C3orf70: variants seen among roughly 807,000 people sequenced by gnomAD.
C3orf70 encodes the protein UPF0524 protein C3orf70.
C3orf70 carries 15 observed loss-of-function variants against 20.7 expected under a neutral mutation model. That is an observed-to-expected ratio of 0.72 (90% CI 0.48 to 1.11). The LOEUF is 1.11. C3orf70 is among the 50% of genes most tolerant of loss of function. The probability of loss-of-function intolerance (pLI) is 0.00; values close to 1 mark genes in which losing one functional copy is unlikely to be tolerated. For synonymous variants in C3orf70, 161 were observed against 125.7 expected (o/e 1.28, Z -1.88); for missense variants, 332 against 317.6 (o/e 1.05, Z -0.34).
At chr3:185,132,789 A>G (rs942869433) in intron 1 of C3orf70, among the ~76,000 whole-genome samples, 1 of 152,242 alleles carries the variant, frequency 6.6e-6, no homozygotes, top group East Asian at 1.9e-4. Context: ...AATTCTAAAC[A>G]GGATACATCA....
rs537473554 is a variant in C3orf70 at position 185,131,061 on chromosome 3, T to C, written c.196+21567A>G. 2.0e-5 allele frequency among the ~76,000 whole-genome samples: 3 copies of C among 152,338 alleles called. No individual in the cohort carries two copies. The South Asian group carries it at 6.2e-4, about 32-fold the overall frequency. On this transcript the variant is annotated intron_variant, in intron 1 of 1. Coordinates refer to ENST00000335012, the MANE Select transcript of C3orf70 (RefSeq NM_001025266.3). Reference sequence around the variant, plus strand: ...ACTGTTTTCCAACGTGGTTACACCATTTTATATTCCCACCAACAATGCATG... The same window carrying C: ...ACTGTTTTCCAACGTGGTTACACCACTTTATATTCCCACCAACAATGCATG...
intron 1 of C3orf70, among the ~76,000 whole-genome samples, 156 bp downstream of exon 1, chr3:185,152,472 G>A (rs1339456465): frequency 3.3e-5 from 5 of 152,092 alleles, no homozygotes; most frequent in South Asian, 4.1e-4. Context: ...GGAAAGCTCC[G>A]GCGGGCCCGG....
chr3:185,095,479 C>T (rs925025534), intron 1 of C3orf70, among the ~76,000 whole-genome samples: 2 of 152,148 alleles, frequency 1.3e-5, no homozygotes, highest in Admixed American at 6.5e-5. Context: ...CAGTAAAAGA[C>T]ATCTGTCACA....
chr3:185,108,015 A>G (rs906483137), intron 1 of C3orf70, among the ~76,000 whole-genome samples: 1 of 152,214 alleles, frequency 6.6e-6, no homozygotes, highest in Non-Finnish European at 1.5e-5. Context: ...AGATTGTTAA[A>G]TTACATAGAT....
chr3:185,116,734 G>C (rs1000477758), intron 1 of C3orf70, among the ~76,000 whole-genome samples: 1 of 151,936 alleles, frequency 6.6e-6, no homozygotes, highest in Non-Finnish European at 1.5e-5. Context: ...CAGAATCATA[G>C]ACTATGATAG....
intron 1 of C3orf70, among the ~76,000 whole-genome samples, chr3:185,128,536 A>C (rs1269043663): frequency 2.6e-5 from 4 of 151,938 alleles, no homozygotes; most frequent in African/African-American, 9.7e-5. Context: ...GAAAAAAAAA[A>C]AAAACAACAA....
chr3:185,105,320 T>C (rs1158350845), intron 1 of C3orf70, among the ~76,000 whole-genome samples: 1 of 152,224 alleles, frequency 6.6e-6, no homozygotes, highest in Admixed American at 6.5e-5. Context: ...GCTGGAAGGT[T>C]GTGGGTTCAC....
chr3:185,125,995 G>A (rs1435033537), intron 1 of C3orf70, among the ~76,000 whole-genome samples: 2 of 152,084 alleles, frequency 1.3e-5, no homozygotes, highest in East Asian at 3.8e-4. Context: ...ATATATGTTT[G>A]TTAAAATGCA....
At position 185,144,924 on chromosome 3, in the gene C3orf70, C is replaced by T. The variant is rs561805435; in HGVS notation, c.196+7704G>A. ...GCTTGGATGAAACAGAATTGTTATT[C>T]CTAGTTTTCAGAAGAGTACAGTGAA... is the stretch of plus-strand genomic sequence containing the variant. On this transcript the variant is annotated intron_variant, in intron 1 of 1. Coordinates refer to ENST00000335012, the MANE Select transcript of C3orf70 (RefSeq NM_001025266.3). Among the ~76,000 whole-genome samples the T allele has an allele frequency of 2.6e-5, 4 of 152,260 alleles. No individual in the cohort carries two copies. In the South Asian group the frequency reaches 8.3e-4, roughly 32 times the overall value.
intron 1 of C3orf70, among the ~76,000 whole-genome samples, chr3:185,092,455 A>G (rs1715612550): frequency 6.6e-6 from 1 of 151,400 alleles, no homozygotes; most frequent in South Asian, 2.1e-4. Context: ...CTCCCCCCAA[A>G]CCCTAGAGTT....
chr3:185,101,759 T>C (rs946361103), intron 1 of C3orf70, among the ~76,000 whole-genome samples: 3 of 151,960 alleles, frequency 2.0e-5, no homozygotes, highest in Non-Finnish European at 4.4e-5. Context: ...CATGATCCAA[T>C]CACCTCCCAC....
In C3orf70 at chr3:185,094,074, GTTTTTTT is replaced by G. The variant is rs71162282; in HGVS notation, c.197-10518_197-10512del. Among the ~76,000 whole-genome samples the G allele has an allele frequency of 2.6e-3, 212 of 80,664 alleles. 2 individuals are homozygous for G. The highest frequency in any genetic ancestry group is 8.4e-3 in the African/African-American group (171 of 20,444). 52.9% of individuals were successfully genotyped at this position (80,664 alleles called of 152,430 possible). On this transcript the variant is annotated intron_variant, in intron 1 of 1. Transcript: ENST00000335012. ...GGTTTGTAATGAGTTATACCCTGGG[GTTTTTTT>G]TTTTTTTTTTTTTTTTGAGATGGAG...
intron 1 of C3orf70, among the ~76,000 whole-genome samples, chr3:185,115,938 T>C (rs1716165990): frequency 6.6e-6 from 1 of 152,166 alleles, no homozygotes; most frequent in Non-Finnish European, 1.5e-5. Flanking sequence ...GTCTCACCGC[T>C]CCTAAAACCA....
chr3:185,111,654 T>C (rs1380557006), intron 1 of C3orf70, among the ~76,000 whole-genome samples: 4 of 152,128 alleles, frequency 2.6e-5, no homozygotes, highest in Non-Finnish European at 5.9e-5. Flanking sequence ...GAAAACTATT[T>C]TGAAAAACAA....
At chr3:185,112,888 T>C (rs1030475662) in intron 1 of C3orf70, among the ~76,000 whole-genome samples, 3 of 152,212 alleles carry the variant, frequency 2.0e-5, no homozygotes, top group Admixed American at 1.3e-4. Flanking sequence ...GAATATTACA[T>C]GCCACCAAAC....
chr3:185,150,096 C>T (rs1330527834), intron 1 of C3orf70, among the ~76,000 whole-genome samples: 1 of 152,012 alleles, frequency 6.6e-6, no homozygotes, highest in East Asian at 1.9e-4. Context: ...GGTAGGATTT[C>T]AATAAGGTAT....
chr3:185,085,380 A>AT (rs1480062831), intron 1 of C3orf70, among the ~76,000 whole-genome samples: 1 of 152,098 alleles, frequency 6.6e-6, no homozygotes, highest in Non-Finnish European at 1.5e-5. Context: ...GCCTGCTTAT[A>AT]TTTTTTGTTT....
chr3:185,087,250 A>T (rs1715477084), intron 1 of C3orf70, among the ~76,000 whole-genome samples: 1 of 152,228 alleles, frequency 6.6e-6, no homozygotes, highest in Non-Finnish European at 1.5e-5. Context: ...AGGAAAAGAT[A>T]CTCAGAGTGA....
At chr3:185,106,769 T>C (rs1002140273) in intron 1 of C3orf70, among the ~76,000 whole-genome samples, 1 of 152,352 alleles carries the variant, frequency 6.6e-6, no homozygotes, top group East Asian at 1.9e-4. Context: ...CGCAAAAAGT[T>C]CCAACAGGGC....
Sources: gnomAD v4.1 joint callset for allele counts (sites outside exome capture counted in the v4.1 genomes callset) on GRCh38, gnomAD v4.1.1 for gene constraint, MANE v1.5 for transcripts, NCBI Gene and HGNC (gene_info 2026-07-23, HGNC 2026-07-21) for gene names.